Variants in PDE1C observed in about 807,000 individuals in gnomAD.
PDE1C encodes the protein phosphodiesterase 1C, also known as dual specificity calcium/calmodulin-dependent 3',5'-cyclic nucleotide phosphodiesterase 1C.
In PDE1C, 62 loss-of-function variants were observed where a neutral mutation model predicts 93.1. The observed-to-expected ratio is 0.67, with a 90% confidence interval of 0.54 to 0.82. The LOEUF (loss-of-function observed/expected upper bound fraction) is 0.82, where lower values mean the gene tolerates loss of function less well. Among genes scored for constraint, PDE1C ranks in the 40% least tolerant of loss-of-function variants. The pLI is 0.00. For synonymous variants in PDE1C, 325 were observed against 310.1 expected, an observed-to-expected ratio of 1.05 and a Z score of -0.50; for missense variants, 742 against 884.6, an observed-to-expected ratio of 0.84 and a Z score of 2.04.
chr7:32,241,603 C>T (rs1215507460), intron 1 of PDE1C, among the ~76,000 whole-genome samples: 1 of 152,152 alleles, frequency 6.6e-6, no homozygotes, highest in East Asian at 1.9e-4. Flanking sequence ...AGAAATGGGG[C>T]AATCACTAGA....
intron 1 of PDE1C, among the ~76,000 whole-genome samples, chr7:32,280,719 A>G (rs890763904): frequency 1.3e-5 from 2 of 152,188 alleles, no homozygotes; most frequent in African/African-American, 4.8e-5. Context: ...AAATGAGCAA[A>G]AATAGCCTGG....
rs138658707 is a variant in PDE1C at position 32,244,187 on chromosome 7, A to G, written c.86-34648T>C. ...TTTCCCTTCATACAGAGATGGTAGA[A>G]AAGAAGAGGGCGGGACATGTAAAAG... On this transcript the variant is annotated intron_variant, in intron 1 of 18. Coordinates refer to the PDE1C transcript ENST00000396193. Among the ~76,000 whole-genome samples the G allele has an allele frequency of 1.1e-3, 163 of 152,332 alleles. 1 individual carries two copies. The highest frequency in any genetic ancestry group is 2.1e-3 in the Non-Finnish European group (145 of 68,030).
rs1233935646 is a variant in PDE1C at position 31,989,454 on chromosome 7, CATGAT to C, written c.128+62095_128+62099del. On this transcript the variant is annotated intron_variant, in intron 2 of 17. Coordinates refer to ENST00000396191, the MANE Select transcript of PDE1C (RefSeq NM_001191057.4). The stretch of plus-strand genomic sequence containing the variant: ...TCAGGTTTTATACATTACATACATA[CATGAT>C]ATATTATATATCTACATACACACCC... Among the ~76,000 whole-genome samples, 4 of 152,336 alleles carry C rather than the reference CATGAT, an allele frequency of 2.6e-5. No homozygotes were observed. The East Asian group carries it at 5.8e-4, about 22-fold the overall frequency.
Position 31,949,323 on chromosome 7 carries a change from G to C in PDE1C, c.129-68463C>G, listed in dbSNP as rs182534854. On this transcript the variant is annotated intron_variant, in intron 2 of 17. Transcript: ENST00000396191. Reference sequence around the variant, plus strand: ...AAAATGCAAAAAATTAGCCAGACATGGTGGCACACACCTGTAATCCCAGCT... The same window carrying C: ...AAAATGCAAAAAATTAGCCAGACATCGTGGCACACACCTGTAATCCCAGCT... Among the ~76,000 whole-genome samples the C allele has an allele frequency of 2.0e-4, 31 of 152,200 alleles. No homozygotes were observed. In the East Asian group the frequency reaches 5.4e-3, roughly 27 times the overall value.
chr7:32,426,472 G>A (rs529254904), intron 1 of PDE1C, among the ~76,000 whole-genome samples: 65 of 151,940 alleles, frequency 4.3e-4, no homozygotes, highest in African/African-American at 1.4e-3. Flanking sequence ...ATGGAGTTTC[G>A]CCATGTTGCC....
chr7:32,052,985 G>T (rs549078319), intron 1 of PDE1C, among the ~76,000 whole-genome samples: 53 of 152,120 alleles, frequency 3.5e-4, no homozygotes, highest in African/African-American at 1.2e-3. Context: ...TACATATAAA[G>T]GTATATACAA....
At chr7:32,194,461 A>G (rs959868778) in intron 2 of PDE1C, among the ~76,000 whole-genome samples, 3 of 152,202 alleles carry the variant, frequency 2.0e-5, no homozygotes, top group Non-Finnish European at 2.9e-5. Flanking sequence ...TCTACTTTAC[A>G]TATTTTCCAA....
intron 1 of PDE1C, among the ~76,000 whole-genome samples, chr7:32,232,653 A>G (rs1807787021): frequency 1.3e-5 from 2 of 152,198 alleles, no homozygotes; most frequent in African/African-American, 2.4e-5. Flanking sequence ...GCAAACCAAT[A>G]AAGTTACATG....
chr7:32,357,001 G>A (rs1215068296), intron 1 of PDE1C, among the ~76,000 whole-genome samples: 1 of 152,044 alleles, frequency 6.6e-6, no homozygotes, highest in Non-Finnish European at 1.5e-5. Flanking sequence ...TCCTAATCTG[G>A]AAAAAGCCTG....
At chr7:32,227,826 C>T (rs1207182472) in intron 1 of PDE1C, among the ~76,000 whole-genome samples, 5 of 152,164 alleles carry the variant, frequency 3.3e-5, no homozygotes, top group Non-Finnish European at 5.9e-5. Context: ...AGTGGGGAGA[C>T]CAGGCAGCCA....
intron 1 of PDE1C, among the ~76,000 whole-genome samples, chr7:32,382,224 G>A (rs151014723): frequency 6.6e-6 from 1 of 152,174 alleles, no homozygotes; most frequent in Non-Finnish European, 1.5e-5. Flanking sequence ...ATGAAGCGCC[G>A]CCATCCTGCC....
At chr7:31,863,754 C>A (rs747877361) in intron 7 of PDE1C, among the ~76,000 whole-genome samples, 3 of 152,056 alleles carry the variant, frequency 2.0e-5, no homozygotes, top group Non-Finnish European at 4.4e-5. Context: ...TTTATTCTAA[C>A]CATCAGAGCA....
intron 1 of PDE1C, among the ~76,000 whole-genome samples, chr7:32,319,598 T>C (rs1783245908): frequency 6.6e-6 from 1 of 152,186 alleles, no homozygotes; most frequent in African/African-American, 2.4e-5. Flanking sequence ...TAGAATGCCA[T>C]TTGCCACAAC....
chr7:31,747,790 G>C (rs1010185338), downstream of PDE1C, among the ~76,000 whole-genome samples: 7 of 151,034 alleles, frequency 4.6e-5, no homozygotes, highest in African/African-American at 1.5e-4. Context: ...TCTGCCCCTG[G>C]GTGTGGTCAC....
At chr7:32,281,939 G>A (rs575124921) in intron 1 of PDE1C, among the ~76,000 whole-genome samples, 26 of 152,128 alleles carry the variant, frequency 1.7e-4, no homozygotes, top group East Asian at 3.9e-4. Context: ...GTGTTCTCCC[G>A]CATAGGTGGG....
At chr7:32,113,196 G>A (rs1014545025) in intron 3 of PDE1C, among the ~76,000 whole-genome samples, 4 of 132,964 alleles carry the variant, frequency 3.0e-5, no homozygotes, top group African/African-American at 8.6e-5. Flanking sequence ...TTCCACCCGA[G>A]GGAAGAGTTA....
At chr7:31,918,256 T>C (rs962523827) in intron 2 of PDE1C, among the ~76,000 whole-genome samples, 2 of 152,236 alleles carry the variant, frequency 1.3e-5, no homozygotes, top group Admixed American at 6.5e-5. Flanking sequence ...GGACATTCTA[T>C]GTTCCAATTT....
At chr7:31,821,086 A>G (rs1190625427) in intron 14 of PDE1C, among the ~76,000 whole-genome samples, 2 of 151,784 alleles carry the variant, frequency 1.3e-5, no homozygotes, top group Non-Finnish European at 2.9e-5. Context: ...CTCCCACAAG[A>G]TATCCGTAAC....
chr7:31,728,206 A>G, the PDE1C span, among the ~76,000 whole-genome samples: 1 of 152,186 alleles, frequency 6.6e-6, no homozygotes, highest in Non-Finnish European at 1.5e-5. Context: ...CACTGCGGAC[A>G]AGGATCCTTC....
Sources: allele counts gnomAD v4.1 joint callset (sites outside exome capture counted in the v4.1 genomes callset), GRCh38; gene constraint gnomAD v4.1.1; transcripts MANE v1.5; gene names NCBI Gene and HGNC (gene_info 2026-07-23, HGNC 2026-07-21).